SH3BP1: variants seen among roughly 807,000 people sequenced by gnomAD.
The protein encoded by SH3BP1 is SH3 domain-binding protein 1.
Under a neutral mutation model 69.8 loss-of-function variants are expected in SH3BP1, and 46 were observed. That is an observed-to-expected ratio of 0.66 (90% CI 0.52 to 0.84). SH3BP1 has a LOEUF of 0.84. Ranked by LOEUF, SH3BP1 falls within the 40% of genes least tolerant of loss-of-function variation. The pLI is 0.00. For synonymous variants in SH3BP1, 403 were observed against 378.0 expected (o/e 1.07, Z -0.77); for missense variants, 868 against 930.9 (o/e 0.93, Z 0.88).
Position 37,644,984 on chromosome 22 carries a change from C to T in SH3BP1, c.778+24C>T, listed in dbSNP as rs753455682. On this transcript the variant is annotated intron_variant, in intron 9 of 17. Coordinates refer to ENST00000649765, the MANE Select transcript of SH3BP1 (RefSeq NM_018957.6). ...AGGTGGGGACATAGGCCCGGCGATA[C>T]CACACCCCTGACCCTGCCCTGCTCG... is the stretch of plus-strand genomic sequence containing the variant. 13 of 1,600,918 alleles carry T rather than the reference C, an allele frequency of 8.1e-6. No individual in the cohort carries two copies. In the South Asian group the frequency reaches 1.2e-4, roughly 15 times the overall value.
intron 14 of SH3BP1, among the ~76,000 whole-genome samples, chr22:37,649,500 T>C (rs1000802436): frequency 2.6e-5 from 4 of 150,958 alleles, no homozygotes; most frequent in Non-Finnish European, 4.4e-5. Context: ...AATGAAGAAA[T>C]AGGCCGGGGG....
Position 37,653,813 on chromosome 22 carries a change from C to T in SH3BP1, c.1633C>T (p.Pro545Ser). ...ESEVPPRPAS[P>S]KVTRSPPETA... ...TGAGGTGCCTCCCAGACCAGCCTCC[C>T]CCAAGGTCACCAGGAGTCCCCCGGA... The change falls in exon 17 of 18, where the codon CCC becomes TCC. Residue 545 changes from proline (P) to serine (S), a missense_variant. Physicochemically the swap from Pro to Ser is moderately conservative, Grantham distance 74 (BLOSUM62 -1). This residue lies in a region of SH3BP1 where 474 missense variants were observed against 462.3 expected (regional missense o/e 1.03). Transcript: ENST00000649765. 6.2e-7 allele frequency: 1 copy of T among 1,613,946 alleles called. No individual in the cohort carries two copies.
chr22:37,647,071 A>G, intron 11 of SH3BP1, 142 bp downstream of exon 11: 1 of 733,736 alleles, frequency 1.4e-6, no homozygotes, highest in Admixed American at 2.8e-5. Context: ...GGGGTCCATC[A>G]TGAGCCCCCC....
In SH3BP1 at chr22:37,642,540, A is replaced by G. The variant is rs761146554; in HGVS notation, c.209A>G (p.Lys70Arg). Residue 70 changes from lysine (K) to arginine (R), a missense_variant and splice_region_variant, in exon 4 of 18, where the codon AAG becomes AGG. Lys to Arg is a conservative substitution (Grantham distance 26). Transcript: ENST00000649765. Reference sequence around the variant, plus strand: ...TCGCCGGCCCCACCCTCCCTGCAGAAGAAGCTTCCCCTCATGGCTCTGTCC... The same window carrying G: ...TCGCCGGCCCCACCCTCCCTGCAGAGGAAGCTTCCCCTCATGGCTCTGTCC... ...QSGADMDKRVKKLPLMALSTT... is the reference protein window; with the variant it reads ...QSGADMDKRVRKLPLMALSTT... The G allele has an allele frequency of 6.2e-7, 1 of 1,613,140 alleles. No individual in the cohort carries two copies. The highest frequency in any genetic ancestry group is 1.7e-5 in the Admixed American group (1 of 60,014).
rs1005855092 is a variant in SH3BP1, at chr22:37,655,874, C to T, written c.*190C>T. The stretch of plus-strand genomic sequence containing the variant: ...ATCCTCTATTTCCTGACCTTTTCCT[C>T]GTCCACCCTGGGCTTGGGGACCCCC... On this transcript the variant is annotated 3_prime_UTR_variant, in exon 18 of 18. Transcript: ENST00000649765. 4.5e-6 allele frequency: 7 copies of T among 1,539,302 alleles called. No individual in the cohort carries two copies. The highest frequency in any genetic ancestry group is 2.7e-5 in the African/African-American group (2 of 73,268).
Position 37,655,457 on chromosome 22 carries a change from C to T in SH3BP1, c.1879C>T (p.Pro627Ser). 1.5e-6 allele frequency: 2 copies of T among 1,305,810 alleles called. No individual in the cohort carries two copies. Among genetic ancestry groups the T allele is most frequent in the Non-Finnish European group, 1.0e-6 (1 of 953,732 alleles). 80.9% of individuals were successfully genotyped at this position (1,305,810 alleles called of 1,614,324 possible). ...PTVPPPLPPTPPQPARRQSRR... is the reference protein window; with the variant it reads ...PTVPPPLPPTSPQPARRQSRR... ...AGTGCCACCCCCGTTACCCCCCACA[C>T]CCCCTCAGCCTGCCCGGCGCCAAAG... The change falls in exon 18 of 18, where the codon CCC becomes TCC. Residue 627 changes from proline (P) to serine (S), a missense_variant. Coordinates refer to ENST00000649765, the MANE Select transcript of SH3BP1 (RefSeq NM_018957.6).
At chr22:37,654,621 A>G (rs1007951386) in intron 17 of SH3BP1, among the ~76,000 whole-genome samples, 1 of 151,510 alleles carries the variant, frequency 6.6e-6, no homozygotes, top group African/African-American at 2.4e-5. Flanking sequence ...AGGAGGTGGC[A>G]GGGGTGGGAA....
At chr22:37,644,486 G>A in intron 7 of SH3BP1, 151 bp from the exon 8 acceptor site, 1 of 775,460 alleles carries the variant, frequency 1.3e-6, no homozygotes, top group Admixed American at 2.1e-5. Context: ...CTGGCCCCAA[G>A]CACCAACCTT....
intron 6 of SH3BP1, chr22:37,643,389 AAG>A: frequency 1.5e-6 from 1 of 658,320 alleles, no homozygotes; most frequent in Non-Finnish European, 2.6e-6. Context: ...GGCAACCCTA[AAG>A]CCTGGGATCC....
chr22:37,647,740 G>A (rs1000909381), intron 13 of SH3BP1, among the ~76,000 whole-genome samples: 1 of 151,730 alleles, frequency 6.6e-6, no homozygotes, highest in Non-Finnish European at 1.5e-5. Context: ...CAGTGGTGCA[G>A]TCTTGGCTCA....
At chr22:37,647,144 C>G (rs749424926) in intron 11 of SH3BP1, 123 bp from the exon 12 acceptor site, 1 of 919,314 alleles carries the variant, frequency 1.1e-6, no homozygotes, top group East Asian at 2.4e-5. Context: ...AAAGGGCCTA[C>G]AGCCCAAAGA....
At chr22:37,645,718 A>G (rs1932775945) in intron 10 of SH3BP1, among the ~76,000 whole-genome samples, 1 of 152,174 alleles carries the variant, frequency 6.6e-6, no homozygotes, top group South Asian at 2.1e-4. Flanking sequence ...AAGCCTTTGC[A>G]TTCCAGGCTC....
At chr22:37,641,024 G>A (rs933975678) in intron 1 of SH3BP1, 102 bp from the exon 2 acceptor site, 14 of 808,802 alleles carry the variant, frequency 1.7e-5, no homozygotes, top group Admixed American at 4.1e-5. Context: ...TGGAAGCACT[G>A]GGGTCCAGGT....
Position 37,655,289 on chromosome 22 carries a change from G to A in SH3BP1, c.1711G>A (p.Ala571Thr). 1.3e-6 allele frequency: 2 copies of A among 1,575,850 alleles called. No homozygotes were observed. The highest frequency in any genetic ancestry group is 8.6e-7 in the Non-Finnish European group (1 of 1,163,496). Residue 571 changes from alanine to threonine, a missense_variant, in exon 18 of 18, where the codon GCC becomes ACC. Transcript: ENST00000649765. ...CTCAACAGCCAAGCGCCCGGCGCCA[G>A]CCCGGCCCACCATGCCGCCCCCCCA... ...MARRTKRPAP[A>T]RPTMPPPQVS...
chr22:37,653,116 G>A (rs893079081), intron 16 of SH3BP1, among the ~76,000 whole-genome samples: 2 of 151,608 alleles, frequency 1.3e-5, no homozygotes, highest in Admixed American at 6.6e-5. Flanking sequence ...CAGCCTGAGC[G>A]ACAGAGCGAG....
Position 37,643,128 on chromosome 22 carries a change from A to G in SH3BP1, c.427A>G (p.Lys143Glu), listed in dbSNP as rs1250528872. 6.2e-7 allele frequency: 1 copy of G among 1,611,452 alleles called. No individual in the cohort carries two copies. ...GCTGCCAGCCATCCTCAAACACAAG[A>G]AAAGCCTCCAGAAGCTCGTGTCCGA... is the stretch of plus-strand genomic sequence containing the variant. ...EELPAILKHK[K>E]SLQKLVSDWN... The change falls in exon 6 of 18, where the codon AAA becomes GAA. Residue 143 changes from lysine to glutamate, a missense_variant. By Grantham distance (56) the Lys-to-Glu change is moderately conservative (BLOSUM62 1). Coordinates refer to ENST00000649765, the MANE Select transcript of SH3BP1 (RefSeq NM_018957.6).
chr22:37,655,445 T>A lies in SH3BP1; in HGVS notation c.1867T>A (p.Leu623Ile). The A allele has an allele frequency of 2.1e-6, 1 of 466,904 alleles. No individual in the cohort carries two copies. The highest frequency in any genetic ancestry group is 3.4e-5 in the African/African-American group (1 of 29,366). 28.9% of individuals were successfully genotyped at this position (466,904 alleles called of 1,614,324 possible). A position where few individuals can be genotyped will look rare whatever the true frequency, so the allele number is the denominator to read the frequency against. Residue 623 changes from leucine (L) to isoleucine (I), a missense_variant, in exon 18 of 18, where the codon TTA (leucine) becomes ATA (isoleucine). Transcript: ENST00000649765. The stretch of plus-strand genomic sequence containing the variant: ...CCGAGCCCCCACAGTGCCACCCCCG[T>A]TACCCCCCACACCCCCTCAGCCTGC... ...SLRAPTVPPP[L>I]PPTPPQPARR... is the part of the protein sequence containing the mutation.
chr22:37,646,797 C>G, intron 10 of SH3BP1, 21 bp from the exon 11 acceptor site: 1 of 1,468,024 alleles, frequency 6.8e-7, no homozygotes, highest in East Asian at 2.5e-5. Context: ...GTGACCCTTG[C>G]CTGCCTCCTC....
chr22:37,653,849 C>G lies in SH3BP1; in HGVS notation c.1669C>G (p.Pro557Ala). Residue 557 changes from proline to alanine, a missense_variant, in exon 17 of 18, where the codon CCA becomes GCA. Around this residue, in one of 3 missense-constraint regions of SH3BP1, gnomAD observed 474 missense variants for 462.3 expected, o/e 1.03. Coordinates refer to ENST00000649765, the MANE Select transcript of SH3BP1 (RefSeq NM_018957.6). ...VTRSPPETAA[P>A]VEDMARRTKR... ...CAGGAGTCCCCCGGAGACAGCTGCC[C>G]CAGTGGAGGACATGGCTCGGAGGAG... is the stretch of plus-strand genomic sequence containing the variant. 5 of 1,613,616 alleles carry G rather than the reference C, an allele frequency of 3.1e-6. No individual in the cohort carries two copies. The highest frequency in any genetic ancestry group is 4.2e-6 in the Non-Finnish European group (5 of 1,179,794).
Sources: gnomAD v4.1 joint callset for allele counts (sites outside exome capture counted in the v4.1 genomes callset) on GRCh38, gnomAD v4.1.1 for gene constraint, gnomAD v4.1.1 regional missense constraint, MANE v1.5 for transcripts, NCBI Gene and HGNC (gene_info 2026-07-23, HGNC 2026-07-21) for gene names.